Variants in PCDH15 observed in about 807,000 individuals in gnomAD.
The protein encoded by PCDH15 is protocadherin related 15.
A neutral mutation model predicts 178.5 loss-of-function variants in PCDH15; 129 were observed. The ratio of observed to expected loss-of-function variants is 0.72; its 90% CI spans 0.63 to 0.84. The LOEUF is 0.84. PCDH15 is among the 40% of genes least tolerant of loss of function. The pLI, the probability that PCDH15 is intolerant of heterozygous loss-of-function variation, is 0.00. For missense variants in PCDH15, 2,230 were observed against 2,099.9 expected (o/e 1.06, Z -1.21); for synonymous variants, 800 against 732.0 (o/e 1.09, Z -1.50).
intron 15 of PCDH15, among the ~76,000 whole-genome samples, chr10:54,117,715 A>G (rs1024078659): frequency 2.0e-5 from 3 of 152,112 alleles, no homozygotes; most frequent in Admixed American, 2.0e-4. Flanking sequence ...CCAGCTTGTC[A>G]GTGGAGAGGA....
chr10:54,482,739 G>A (rs1246610055), intron 3 of PCDH15, among the ~76,000 whole-genome samples: 1 of 151,804 alleles, frequency 6.6e-6, no homozygotes, highest in Admixed American at 6.6e-5. Context: ...ATTGACTTCA[G>A]ATTTGCCTAT....
chr10:53,857,415 T>TACGGCGACCACC, intron 27 of PCDH15, 152 bp from the exon 28 acceptor site: 8 of 499,536 alleles, frequency 1.6e-5, no homozygotes, highest in South Asian at 1.1e-4. Flanking sequence ...TTTTTAATTA[T>TACGGCGACCACC]ATGATCTACA....
intron 2 of PCDH15, among the ~76,000 whole-genome samples, chr10:55,465,687 T>C (rs1401431971): frequency 6.6e-6 from 1 of 152,124 alleles, no homozygotes; most frequent in East Asian, 1.9e-4. Context: ...TAGTATCACA[T>C]TGTCTTGAGT....
chr10:54,321,170 T>A, intron 7 of PCDH15, among the ~76,000 whole-genome samples: 1 of 144,002 alleles, frequency 6.9e-6, no homozygotes, highest in Middle Eastern at 4.0e-3. Context: ...TTTGAAAATT[T>A]TTTTATTTAT....
intron 2 of PCDH15, among the ~76,000 whole-genome samples, chr10:55,405,373 C>T (rs1240799090): frequency 6.8e-6 from 1 of 146,100 alleles, no homozygotes; most frequent in African/African-American, 2.5e-5. Context: ...TAATCTTTAT[C>T]TATGAAAGAC....
chr10:54,706,981 A>G (rs1203483644), intron 1 of PCDH15, among the ~76,000 whole-genome samples: 1 of 152,196 alleles, frequency 6.6e-6, no homozygotes, highest in Non-Finnish European at 1.5e-5. Context: ...GAGAACATAG[A>G]AGCAATCTTC....
intron 3 of PCDH15, among the ~76,000 whole-genome samples, chr10:54,447,448 CTTAT>C (rs1322469024): frequency 1.3e-5 from 2 of 151,524 alleles, no homozygotes; most frequent in Admixed American, 6.6e-5. Context: ...ATGAGTTTTA[CTTAT>C]TTAAACTCTA....
chr10:54,357,633 T>G (rs1403665217), intron 5 of PCDH15, among the ~76,000 whole-genome samples: 3 of 152,168 alleles, frequency 2.0e-5, no homozygotes, highest in Non-Finnish European at 2.9e-5. Flanking sequence ...AAGCTATGAA[T>G]GACTTTCTTC....
At chr10:55,567,150 A>C (rs1178617783) in intron 2 of PCDH15, among the ~76,000 whole-genome samples, 1 of 151,918 alleles carries the variant, frequency 6.6e-6, no homozygotes, top group Non-Finnish European at 1.5e-5. Flanking sequence ...AATGATTTTC[A>C]ATTACGGTGT....
intron 3 of PCDH15, among the ~76,000 whole-genome samples, chr10:54,473,181 C>T (rs1343541503): frequency 1.3e-5 from 2 of 152,104 alleles, no homozygotes; most frequent in East Asian, 3.9e-4. Context: ...TGAATGCAAA[C>T]ACATACTCTT....
In PCDH15 at chr10:53,946,730, CACAATACTT is replaced by C. The variant is rs57296255; in HGVS notation, c.3123-5764_3123-5756del. The stretch of plus-strand genomic sequence containing the variant: ...AGTTAACTGCTTTGGAATTCGCATG[CACAATACTT>C]ACAATATAACCTCATGAAGATATAA... On this transcript the variant is annotated intron_variant, in intron 23 of 37. Transcript: ENST00000644397. Among the ~76,000 whole-genome samples the C allele has an allele frequency of 6.9e-3, 1,052 of 152,274 alleles. 9 individuals are homozygous for C. The highest frequency in any genetic ancestry group is 0.012 in the Non-Finnish European group (812 of 67,998).
At chr10:54,761,728 C>CGT (rs1947904747) in intron 1 of PCDH15, among the ~76,000 whole-genome samples, 1 of 71,890 alleles carries the variant, frequency 1.4e-5, no homozygotes, top group African/African-American at 5.1e-5. Context: ...CAAAACAAAA[C>CGT]AAAACAGTTA....
intron 2 of PCDH15, among the ~76,000 whole-genome samples, chr10:55,097,730 A>G (rs1298903132): frequency 6.6e-6 from 1 of 152,098 alleles, no homozygotes; most frequent in Non-Finnish European, 1.5e-5. Flanking sequence ...ATAGATGGAT[A>G]GATAGATAAA....
intron 21 of PCDH15, among the ~76,000 whole-genome samples, chr10:53,979,096 C>G (rs1224063357): frequency 6.6e-6 from 1 of 152,134 alleles, no homozygotes; most frequent in African/African-American, 2.4e-5. Context: ...GCCACTCTAC[C>G]TGGTATCAAA....
At chr10:55,494,727 C>A (rs1210084219) in intron 2 of PCDH15, among the ~76,000 whole-genome samples, 1 of 151,736 alleles carries the variant, frequency 6.6e-6, no homozygotes, top group Non-Finnish European at 1.5e-5. Flanking sequence ...TACTCCATTC[C>A]TCTCTCTTTT....
At chr10:54,987,705 TG>T (rs963527481) in intron 2 of PCDH15, among the ~76,000 whole-genome samples, 3 of 148,910 alleles carry the variant, frequency 2.0e-5, no homozygotes, top group Admixed American at 2.0e-4. Flanking sequence ...CACTTTTTGA[TG>T]TTTTTTTTTT....
intron 2 of PCDH15, among the ~76,000 whole-genome samples, chr10:54,993,622 TA>T (rs925786111): frequency 1.3e-5 from 2 of 151,674 alleles, no homozygotes; most frequent in African/African-American, 2.4e-5. Flanking sequence ...GAACTAGAGG[TA>T]AAAAAGTAGT....
At chr10:54,171,091 C>T (rs1392281661) in intron 13 of PCDH15, among the ~76,000 whole-genome samples, 3 of 152,140 alleles carry the variant, frequency 2.0e-5, no homozygotes, top group African/African-American at 7.2e-5. Flanking sequence ...AAGGCCACCG[C>T]AGGCATTTCT....
At chr10:54,793,809 A>G (rs1342956355) in intron 1 of PCDH15, among the ~76,000 whole-genome samples, 2 of 149,274 alleles carry the variant, frequency 1.3e-5, no homozygotes, top group Non-Finnish European at 3.0e-5. Context: ...AATGTTAAAT[A>G]GCGTAATAGG....
Sources: allele counts gnomAD v4.1 joint callset (sites outside exome capture counted in the v4.1 genomes callset), GRCh38; gene constraint gnomAD v4.1.1; transcripts MANE v1.5; gene names NCBI Gene and HGNC (gene_info 2026-07-23, HGNC 2026-07-21).